FNDC3A: variants seen among roughly 807,000 people sequenced by gnomAD.
The protein encoded by FNDC3A is fibronectin type-III domain-containing protein 3A.
Under a neutral mutation model 148.9 loss-of-function variants are expected in FNDC3A, and 32 were observed. The observed-to-expected ratio is 0.21, with a 90% CI of 0.16 to 0.29. The LOEUF (loss-of-function observed/expected upper bound fraction) is 0.29, where lower values mean the gene tolerates loss of function less well. Ranked by LOEUF, FNDC3A falls within the 10% of genes least tolerant of loss-of-function variation. The pLI, the probability that FNDC3A is intolerant of heterozygous loss-of-function variation, is 1.00. For synonymous variants in FNDC3A, 472 were observed against 473.6 expected, an observed-to-expected ratio of 1.00 and a Z score of 0.04; for missense variants, 1,191 against 1,452.8, an observed-to-expected ratio of 0.82 and a Z score of 2.93.
intron 3 of FNDC3A, among the ~76,000 whole-genome samples, chr13:49,113,780 A>G (rs1452819736): frequency 6.6e-6 from 1 of 152,204 alleles, no homozygotes; most frequent in Non-Finnish European, 1.5e-5. Context: ...GGAAGAAAGG[A>G]ACTGAAGGGG....
intron 7 of FNDC3A, 146 bp from the exon 8 acceptor site, chr13:49,145,632 G>A: frequency 1.6e-6 from 1 of 639,010 alleles, no homozygotes; most frequent in South Asian, 2.1e-5. Context: ...CAAATTATTT[G>A]CAATGGGCAG....
intron 8 of FNDC3A, among the ~76,000 whole-genome samples, chr13:49,158,688 T>A (rs1294355145): frequency 6.6e-6 from 1 of 152,240 alleles, no homozygotes; most frequent in Non-Finnish European, 1.5e-5. Flanking sequence ...CATGAAGTCC[T>A]TGCCTATGCC....
chr13:49,086,081 C>T (rs1305929816), intron 3 of FNDC3A, among the ~76,000 whole-genome samples: 5 of 152,110 alleles, frequency 3.3e-5, no homozygotes, highest in African/African-American at 1.2e-4. Context: ...AAGGTTTCAC[C>T]ATGTTGGCCA....
At chr13:48,981,680 ATC>A (rs1951696843) in intron 1 of FNDC3A, among the ~76,000 whole-genome samples, 1 of 151,976 alleles carries the variant, frequency 6.6e-6, no homozygotes, top group South Asian at 2.1e-4. Flanking sequence ...TGACTTCCAT[ATC>A]TCTTTCTCCT....
intron 1 of FNDC3A, among the ~76,000 whole-genome samples, chr13:48,994,783 A>C (rs1951993539): frequency 6.6e-6 from 1 of 152,132 alleles, no homozygotes; most frequent in African/African-American, 2.4e-5. Context: ...TCTCAAAAAA[A>C]AAAAAAGAAA....
Position 49,018,222 on chromosome 13 carries a change from G to A in FNDC3A, c.99+11933G>A, listed in dbSNP as rs377118591. Among the ~76,000 whole-genome samples, 53 of 152,126 alleles carry A rather than the reference G, an allele frequency of 3.5e-4. No individual in the cohort carries two copies. In the South Asian group the frequency reaches 8.7e-3, roughly 25 times the overall value. ...TTTCCAACTTGGTTCTATTCTCCCC[G>A]TCACTTTCAGGTACACCAATCAGAC... is the stretch of plus-strand genomic sequence containing the variant. On this transcript the variant is annotated intron_variant, in intron 2 of 25. Transcript: ENST00000492622.
chr13:49,003,152 A>G (rs923306477), intron 1 of FNDC3A, among the ~76,000 whole-genome samples: 2 of 151,664 alleles, frequency 1.3e-5, no homozygotes, highest in Non-Finnish European at 2.9e-5. Context: ...TGCAACCTCC[A>G]CCTCCCAGGT....
At chr13:49,081,773 A>G (rs929399933) in intron 3 of FNDC3A, among the ~76,000 whole-genome samples, 1 of 152,200 alleles carries the variant, frequency 6.6e-6, no homozygotes, top group Non-Finnish European at 1.5e-5. Context: ...CTTATTCAGT[A>G]TTCAGTGAGG....
At chr13:49,199,479 C>T (rs976642382) in intron 23 of FNDC3A, among the ~76,000 whole-genome samples, 2 of 151,954 alleles carry the variant, frequency 1.3e-5, no homozygotes, top group African/African-American at 2.4e-5. Flanking sequence ...AGGTGCGCAC[C>T]ACCACGCCCG....
intron 8 of FNDC3A, among the ~76,000 whole-genome samples, chr13:49,160,288 A>T (rs1884010652): frequency 6.6e-6 from 1 of 152,070 alleles, no homozygotes. Context: ...TATTGCCTCA[A>T]CTTCAGAGCC....
chr13:49,155,324 C>T lies in FNDC3A; in HGVS notation c.977+9389C>T, dbSNP rs200320407. 2.6e-3 allele frequency among the ~76,000 whole-genome samples: 394 copies of T among 151,728 alleles called. 10 individuals are homozygous for T. The East Asian group carries it at 0.041, about 16-fold the overall frequency. ...TTTGCGTAGAGGTGTTTGTAGTATT[C>T]TCTGATGGTAGTTTGTATTTCTGTG... On this transcript the variant is annotated intron_variant, in intron 8 of 25. Coordinates refer to ENST00000492622, the MANE Select transcript of FNDC3A (RefSeq NM_001079673.2).
At chr13:49,142,830 C>T (rs1388387948) in intron 7 of FNDC3A, among the ~76,000 whole-genome samples, 1 of 152,162 alleles carries the variant, frequency 6.6e-6, no homozygotes, top group African/African-American at 2.4e-5. Flanking sequence ...GTCACTCTTT[C>T]TGTGACTTAA....
chr13:49,105,439 T>C (rs986626698), intron 3 of FNDC3A, among the ~76,000 whole-genome samples: 3 of 152,260 alleles, frequency 2.0e-5, no homozygotes, highest in Admixed American at 6.5e-5. Flanking sequence ...AGCATTAGAT[T>C]GTCTTCTCTA....
chr13:49,094,096 A>G (rs1879369655), intron 3 of FNDC3A, among the ~76,000 whole-genome samples: 1 of 152,170 alleles, frequency 6.6e-6, no homozygotes, highest in Non-Finnish European at 1.5e-5. Context: ...CCTAAGAAAT[A>G]CCTTAATTTT....
rs1382216964 is a variant in FNDC3A at position 49,185,831 on chromosome 13, C to A, written c.1618-133C>A. 9 of 653,518 alleles carry A rather than the reference C, an allele frequency of 1.4e-5. No homozygotes were observed. The East Asian group carries it at 2.5e-4, about 18-fold the overall frequency. The allele number at this position is 653,518 out of a possible 1,614,324, so 40.5% of individuals were successfully genotyped here. A position where few individuals can be genotyped will look rare whatever the true frequency, so the allele number is the denominator to read the frequency against. ...TTGGAGACAAGCAATTCTCAAAGAA[C>A]AAGCCATTCCAAGCTAAAAAAAATG... is the stretch of plus-strand genomic sequence containing the variant. On this transcript the variant is annotated intron_variant, in intron 14 of 25. Coordinates refer to ENST00000492622, the MANE Select transcript of FNDC3A (RefSeq NM_001079673.2).
At chr13:49,137,537 G>T (rs1164184216) in intron 6 of FNDC3A, among the ~76,000 whole-genome samples, 1 of 152,132 alleles carries the variant, frequency 6.6e-6, no homozygotes, top group East Asian at 1.9e-4. Flanking sequence ...TAGAGACAGG[G>T]TTTCACCATC....
intron 2 of FNDC3A, among the ~76,000 whole-genome samples, chr13:49,017,900 TC>T (rs1872942483): frequency 1.3e-5 from 2 of 152,206 alleles, no homozygotes; most frequent in Admixed American, 1.3e-4. Flanking sequence ...GGTTGAAAAT[TC>T]TTTTCTTTAA....
chr13:49,015,338 G>A (rs543888623), intron 2 of FNDC3A, among the ~76,000 whole-genome samples: 11 of 152,232 alleles, frequency 7.2e-5, no homozygotes, highest in African/African-American at 2.6e-4. Context: ...TGGATTCCTA[G>A]GTATTTTATT....
At chr13:49,062,641 T>C (rs942050213) in intron 2 of FNDC3A, among the ~76,000 whole-genome samples, 4 of 152,214 alleles carry the variant, frequency 2.6e-5, no homozygotes, top group Non-Finnish European at 4.4e-5. Flanking sequence ...CTCGCTGAAT[T>C]CTGTGTAGTT....
Sources: gnomAD v4.1 joint callset for allele counts (sites outside exome capture counted in the v4.1 genomes callset) on GRCh38, gnomAD v4.1.1 for gene constraint, MANE v1.5 for transcripts, NCBI Gene and HGNC (gene_info 2026-07-23, HGNC 2026-07-21) for gene names.